Variants in LAMA5 observed in about 807,000 individuals in gnomAD.
LAMA5 encodes laminin subunit alpha-5.
In LAMA5, 260 loss-of-function variants were observed where a neutral mutation model predicts 433.4. That is an observed-to-expected ratio of 0.60 (90% confidence interval 0.54 to 0.66). The LOEUF is 0.66. LAMA5 is among the 30% of genes least tolerant of loss of function. The probability of loss-of-function intolerance (pLI) is 0.00; values close to 1 mark genes in which losing one functional copy is unlikely to be tolerated. For synonymous variants in LAMA5, 2,620 were observed against 2,226.6 expected (o/e 1.18, Z -4.97); for missense variants, 5,378 against 5,258.5 (o/e 1.02, Z -0.70).
chr20:62,316,988 TG>T lies in LAMA5; in HGVS notation c.7546del (p.Gln2516ArgfsTer57). ...GGCGTTGGAGGCCTCGATGGCCCTC[TG>T]GGTGAGGCGGTCCTGGTTGACGTCC... ...ILDVNQDRLTQRAIEASNAYS... is the reference protein window; with the variant it reads ...ILDVNQDRLTXRAIEASNAYS... On this transcript the variant is annotated frameshift_variant, in exon 56 of 80. Transcript: ENST00000252999. LOFTEE classifies it high-confidence loss of function. 6.4e-7 allele frequency: 1 copy of T among 1,553,950 alleles called. No homozygotes were observed. Among genetic ancestry groups the T allele is most frequent in the South Asian group, 1.2e-5 (1 of 84,518 alleles).
At chr20:62,320,450 C>T (rs1987560306) in intron 50 of LAMA5, 109 bp downstream of exon 50, 3 of 806,834 alleles carry the variant, frequency 3.7e-6, no homozygotes, top group South Asian at 3.2e-5. Flanking sequence ...GTCCCCTGCA[C>T]TGACACATGT....
chr20:62,366,224 G>A (rs1328550978), intron 1 of LAMA5, among the ~76,000 whole-genome samples: 3 of 152,316 alleles, frequency 2.0e-5, no homozygotes, highest in East Asian at 1.9e-4. Flanking sequence ...CAAGAGCCTT[G>A]GTTTTCAGGT....
chr20:62,323,252 C>T (rs186046502), intron 45 of LAMA5, among the ~76,000 whole-genome samples: 4,315 of 104,588 alleles, frequency 0.041, 87 homozygotes, highest in Non-Finnish European at 0.064. Context: ...ATCGCTGGGG[C>T]GGGAGGGCCT....
rs756311821 is a variant in LAMA5, at chr20:62,345,865, G to A, written c.1430C>T (p.Ser477Phe). ...GFPSCYPTPSSSNDTREQVLP... is the reference protein window; with the variant it reads ...GFPSCYPTPSFSNDTREQVLP... ...CACCTGCTCCCTGGTGTCATTGGAG[G>A]ACGAGGGCGTCGCTGAGGGGAAGAG... Residue 477 changes from serine to phenylalanine, a missense_variant, in exon 11 of 80, where the codon TCC becomes TTC. By Grantham distance (155) the Ser-to-Phe change is radical. Transcript: ENST00000252999. 16 of 1,553,120 alleles carry A rather than the reference G, an allele frequency of 1.0e-5. No individual in the cohort carries two copies. Among genetic ancestry groups the A allele is most frequent in the Admixed American group, 1.9e-5 (1 of 51,284 alleles).
chr20:62,354,537 T>C (rs890006332), intron 2 of LAMA5, among the ~76,000 whole-genome samples: 1 of 152,082 alleles, frequency 6.6e-6, no homozygotes, highest in Non-Finnish European at 1.5e-5. Flanking sequence ...GGCTCCTCCA[T>C]GGACCCAGGC....
Position 62,332,680 on chromosome 20 carries a change from C to T in LAMA5, c.3320G>A (p.Gly1107Asp). 6.2e-7 allele frequency: 1 copy of T among 1,611,124 alleles called. No homozygotes were observed. Among genetic ancestry groups the T allele is most frequent in the Non-Finnish European group, 8.5e-7 (1 of 1,179,224 alleles). The change falls in exon 27 of 80, where the codon GGC (glycine) becomes GAC (aspartate). Residue 1107 changes from glycine to aspartate, a missense_variant. Transcript: ENST00000252999. ...GTACTCCACCACTAGGGCATAGCGGCCTGGCTGTGGCACTGCCACTTGAAG... is the reference window on the plus strand; with the variant it reads ...GTACTCCACCACTAGGGCATAGCGGTCTGGCTGTGGCACTGCCACTTGAAG... ...VQLQVAVPQPGRYALVVEYAN... is the reference protein window; with the variant it reads ...VQLQVAVPQPDRYALVVEYAN...
chr20:62,355,767 C>T (rs1985117252), intron 2 of LAMA5, among the ~76,000 whole-genome samples: 1 of 152,114 alleles, frequency 6.6e-6, no homozygotes, highest in Non-Finnish European at 1.5e-5. Context: ...TGGGCCTGAC[C>T]ACAAGCATTC....
chr20:62,311,710 T>A lies in LAMA5; in HGVS notation c.9710A>T (p.Gln3237Leu). ...HRGPPPELQP[Q>L]PEGPPRLLLG... ...GAGGAGCCTCGGGGGCCCCTCAGGC[T>A]GCGGCTGGAGCTCGGGGGGTGGTCC... The change falls in exon 71 of 80, where the codon CAG becomes CTG. Residue 3237 changes from glutamine to leucine, a missense_variant. By Grantham distance (113) the Gln-to-Leu change is moderately radical. Transcript: ENST00000252999. The A allele has an allele frequency of 6.4e-7, 1 of 1,569,212 alleles. No homozygotes were observed. Among genetic ancestry groups the A allele is most frequent in the Non-Finnish European group, 8.6e-7 (1 of 1,158,230 alleles).
In LAMA5 at chr20:62,334,356, G is replaced by A. The variant is rs1217135267; in HGVS notation, c.2583-14C>T. On this transcript the variant is annotated splice_polypyrimidine_tract_variant and intron_variant, in intron 21 of 79. Coordinates refer to ENST00000252999, the MANE Select transcript of LAMA5 (RefSeq NM_005560.6). ...TCCCTCGCAGGCCTGGCCACAGCAGGGGCTGGTCAGGTGCAGCTTGGCCAT... is the reference window on the plus strand; with the variant it reads ...TCCCTCGCAGGCCTGGCCACAGCAGAGGCTGGTCAGGTGCAGCTTGGCCAT... 3.2e-6 allele frequency: 5 copies of A among 1,583,092 alleles called. No homozygotes were observed. Among genetic ancestry groups the A allele is most frequent in the African/African-American group, 2.7e-5 (2 of 74,394 alleles).
intron 28 of LAMA5, among the ~76,000 whole-genome samples, chr20:62,331,452 G>C (rs1980441227): frequency 6.6e-6 from 1 of 152,072 alleles, no homozygotes; most frequent in South Asian, 2.1e-4. Context: ...CCGCAGACCA[G>C]CGTGTTGGCC....
In LAMA5 at chr20:62,353,830, C is replaced by G. The variant is rs1984743405; in HGVS notation, c.451-579G>C. Among the ~76,000 whole-genome samples the G allele has an allele frequency of 2.0e-5, 3 of 152,250 alleles. No individual in the cohort carries two copies. The South Asian group carries it at 6.2e-4, about 32-fold the overall frequency. ...CAGGCTCTGCTCAGTCCCATGCTGA[C>G]CAGCCCACAGCCAGGGGCCCACTGA... On this transcript the variant is annotated intron_variant, in intron 2 of 79. Coordinates refer to ENST00000252999, the MANE Select transcript of LAMA5 (RefSeq NM_005560.6).
At position 62,312,267 on chromosome 20, in the gene LAMA5, A is replaced by C; in HGVS notation, c.9410T>G (p.Leu3137Arg). The change falls in exon 69 of 80, where the codon CTC (leucine) becomes CGC (arginine). Residue 3137 changes from leucine to arginine, a missense_variant. Leu to Arg is a moderately radical substitution (Grantham distance 102). Transcript: ENST00000252999. Reference protein sequence around the residue: ...FHGHGFLRLALSNVAPLTGNV... With the variant: ...FHGHGFLRLARSNVAPLTGNV... ...GCCAGTGAGCGGTGCCACGTTCGAGAGCGCCAGGCGAAGGAAGCCGTGGCC... is the reference window on the plus strand; with the variant it reads ...GCCAGTGAGCGGTGCCACGTTCGAGCGCGCCAGGCGAAGGAAGCCGTGGCC... The C allele has an allele frequency of 6.2e-7, 1 of 1,611,288 alleles. No homozygotes were observed. Among genetic ancestry groups the C allele is most frequent in the Non-Finnish European group, 8.5e-7 (1 of 1,179,496 alleles).
At position 62,367,171 on chromosome 20, in the gene LAMA5, G is replaced by C; in HGVS notation, c.75C>G (p.Val25=). ...GCGCCGCGCCCAGCAGCGCCAGCCCGACCAGCAGCAGCGGCGCGGGGCCCC... is the reference window on the plus strand; with the variant it reads ...GCGCCGCGCCCAGCAGCGCCAGCCCCACCAGCAGCAGCGGCGCGGGGCCCC... ...GPRGPAPLLL[V]GLALLGAARA... is the part of the protein sequence containing the mutation. Residue 25 remains valine, a synonymous_variant, in exon 1 of 80, where the codon GTC becomes GTG. Transcript: ENST00000252999. 8.0e-7 allele frequency: 1 copy of C among 1,246,074 alleles called. No homozygotes were observed. The highest frequency in any genetic ancestry group is 1.0e-6 in the Non-Finnish European group (1 of 998,722). 77.2% of individuals were successfully genotyped at this position (1,246,074 alleles called of 1,614,324 possible). A position where few individuals can be genotyped will look rare whatever the true frequency, so the allele number is the denominator to read the frequency against.
chr20:62,345,541 G>C (rs755076043), intron 11 of LAMA5: 2 of 577,766 alleles, frequency 3.5e-6, no homozygotes, highest in African/African-American at 3.7e-5. Flanking sequence ...GGAGTAGCTC[G>C]AACTACAGGC....
At chr20:62,363,369 G>C (rs1251553959) in intron 1 of LAMA5, among the ~76,000 whole-genome samples, 1 of 152,178 alleles carries the variant, frequency 6.6e-6, no homozygotes, top group Non-Finnish European at 1.5e-5. Context: ...GGCTGCACCT[G>C]CCTGGGGCCA....
rs538269478 is a variant in LAMA5 at position 62,332,994 on chromosome 20, G to A, written c.3282+96C>T. The A allele has an allele frequency of 5.9e-3, 8,148 of 1,375,846 alleles. 29 individuals are homozygous for A. The highest frequency in any genetic ancestry group is 7.0e-3 in the Non-Finnish European group (7,315 of 1,043,458). 85.2% of individuals were successfully genotyped at this position (1,375,846 alleles called of 1,614,324 possible). A position where few individuals can be genotyped will look rare whatever the true frequency, so the allele number is the denominator to read the frequency against. ...GCTGGGCTCCATTGCCTGAGGCAGC[G>A]CCCTGCTCCTATAACCTGCCACCGC... On this transcript the variant is annotated intron_variant, in intron 26 of 79. Transcript: ENST00000252999.
rs1230335913 is a variant in LAMA5 at position 62,329,247 on chromosome 20, C to T, written c.4126G>A (p.Val1376Ile). 1 of 1,610,854 alleles carries T rather than the reference C, an allele frequency of 6.2e-7. No homozygotes were observed. Among genetic ancestry groups the T allele is most frequent in the Non-Finnish European group, 8.5e-7 (1 of 1,178,310 alleles). The part of the protein sequence containing the change: ...PKGRWLWLDY[V>I]LVVPENVYSF... The stretch of plus-strand genomic sequence containing the variant: ...TAGACGTTCTCAGGGACCACGAGTA[C>T]ATAATCCTAGGGGGTGAGGCCTGGT... The change falls in exon 33 of 80, where the codon GTA (valine) becomes ATA (isoleucine). Residue 1376 changes from valine (V) to isoleucine (I), a missense_variant. By Grantham distance (29) the Val-to-Ile change is conservative (BLOSUM62 3). Transcript: ENST00000252999.
rs779813724 is a variant in LAMA5 at position 62,312,926 on chromosome 20, G to C, written c.9040C>G (p.Leu3014Val). 21 of 1,581,586 alleles carry C rather than the reference G, an allele frequency of 1.3e-5. No homozygotes were observed. Among genetic ancestry groups the C allele is most frequent in the Non-Finnish European group, 1.8e-5 (21 of 1,161,892 alleles). ...GAGGTCAGGGGCGGTGGGGGCTGCA[G>C]TGGGACGGCCTTTTTCAGGCCAGCC... Reference protein sequence around the residue: ...FGAGLKKAVPLQPPPPLTSAS... With the variant: ...FGAGLKKAVPVQPPPPLTSAS... Residue 3014 changes from leucine (L) to valine (V), a missense_variant, in exon 66 of 80, where the codon CTG becomes GTG. Transcript: ENST00000252999.
At position 62,320,539 on chromosome 20, in the gene LAMA5, G is replaced by A. The variant is rs774417569; in HGVS notation, c.6759+20C>T. 8 of 1,565,090 alleles carry A rather than the reference G, an allele frequency of 5.1e-6. No individual in the cohort carries two copies. The highest frequency in any genetic ancestry group is 2.3e-5 in the East Asian group (1 of 43,728). The stretch of plus-strand genomic sequence containing the variant: ...CAGGTGAAAGCCTCCCGGGGCCCTG[G>A]GGGGTCTTGGGGCTCCTGCCTGGCC... On this transcript the variant is annotated intron_variant, in intron 50 of 79. Coordinates refer to ENST00000252999, the MANE Select transcript of LAMA5 (RefSeq NM_005560.6).
Sources: gnomAD v4.1 joint callset for allele counts (sites outside exome capture counted in the v4.1 genomes callset) on GRCh38, gnomAD v4.1.1 for gene constraint, MANE v1.5 for transcripts, NCBI Gene and HGNC (gene_info 2026-07-23, HGNC 2026-07-21) for gene names.